CC2D1B: variants seen among roughly 807,000 people sequenced by gnomAD.
CC2D1B encodes the protein coiled-coil and C2 domain-containing protein 1B.
In CC2D1B, 92 loss-of-function variants were observed where a neutral mutation model predicts 110.8. That is an observed-to-expected ratio of 0.83 (90% CI 0.70 to 0.99). CC2D1B has a LOEUF of 0.99. Ranked by LOEUF, CC2D1B falls within the 50% of genes least tolerant of loss-of-function variation. CC2D1B has a pLI of 0.00. For synonymous variants in CC2D1B, 406 were observed against 429.2 expected (o/e 0.95, Z 0.67); for missense variants, 1,136 against 1,089.0 (o/e 1.04, Z -0.61).
chr1:52,351,511 GATT>G lies in CC2D1B; in HGVS notation c.*1711_*1713del, dbSNP rs1412890218. ...GCTAATCACCCTCCTTTTCATTCTA[GATT>G]ATTGCTGTGTTGCATACACGTGACT... is the stretch of plus-strand genomic sequence containing the variant. On this transcript the variant is annotated 3_prime_UTR_variant, in exon 25 of 25. Transcript: ENST00000284376. 1 of 152,106 alleles carries G rather than the reference GATT, an allele frequency of 6.6e-6. No homozygotes were observed. The highest frequency in any genetic ancestry group is 1.9e-4 in the East Asian group (1 of 5,196). 9.4% of individuals were successfully genotyped at this position (152,106 alleles called of 1,614,324 possible). A position where few individuals can be genotyped will look rare whatever the true frequency, so the allele number is the denominator to read the frequency against.
At chr1:52,360,927 G>A in intron 5 of CC2D1B, 47 bp downstream of exon 5, 1 of 1,607,950 alleles carries the variant, frequency 6.2e-7, no homozygotes. Flanking sequence ...GTTACGTCTG[G>A]GCGCACAGGA....
chr1:52,353,557 T>A lies in CC2D1B; in HGVS notation c.2521A>T (p.Thr841Ser). 1 of 1,614,106 alleles carries A rather than the reference T, an allele frequency of 6.2e-7. No homozygotes were observed. Among genetic ancestry groups the A allele is most frequent in the Non-Finnish European group, 8.5e-7 (1 of 1,179,996 alleles). The change falls in exon 24 of 25, where the codon ACT becomes TCT. Residue 841 changes from threonine (T) to serine (S), a missense_variant. Thr to Ser is a moderately conservative substitution (Grantham distance 58). Transcript: ENST00000284376. Reference sequence around the variant, plus strand: ...GGCTCCAGAACCAGCCAGTTCTCAGTGACCATCTGCACATCCTGGCCACTC... The same window carrying A: ...GGCTCCAGAACCAGCCAGTTCTCAGAGACCATCTGCACATCCTGGCCACTC... ...PLSGQDVQMV[T>S]ENWLVLEPRG...
chr1:52,364,519 C>T (rs769001446), intron 2 of CC2D1B, 33 bp downstream of exon 2: 3 of 1,514,424 alleles, frequency 2.0e-6, no homozygotes, highest in African/African-American at 1.4e-5. Context: ...ATCCCCAAAC[C>T]GACCCAGTAG....
At position 52,358,674 on chromosome 1, in the gene CC2D1B, T is replaced by A; in HGVS notation, c.1330+12A>T. 2 of 1,612,728 alleles carry A rather than the reference T, an allele frequency of 1.2e-6. No individual in the cohort carries two copies. Among genetic ancestry groups the A allele is most frequent in the South Asian group, 2.2e-5 (2 of 90,944 alleles). The stretch of plus-strand genomic sequence containing the variant: ...ACCTCCTCACAGAGCCCCTAGGCCA[T>A]GCCCCACTTACCTGGAGGAACAGGC... On this transcript the variant is annotated intron_variant, in intron 12 of 24. Transcript: ENST00000284376.
Position 52,355,313 on chromosome 1 carries a change from G to A in CC2D1B, c.2239+85C>T, listed in dbSNP as rs1389984881. 3.6e-6 allele frequency: 5 copies of A among 1,385,458 alleles called. No individual in the cohort carries two copies. In the Admixed American group the frequency reaches 5.5e-5, roughly 15 times the overall value. The allele number at this position is 1,385,458 out of a possible 1,614,324, so 85.8% of individuals were successfully genotyped here. A position where few individuals can be genotyped will look rare whatever the true frequency, so the allele number is the denominator to read the frequency against. On this transcript the variant is annotated intron_variant, in intron 21 of 24. Transcript: ENST00000284376. The stretch of plus-strand genomic sequence containing the variant: ...TCCCAAGTGGGGTGGATCAAGTAAG[G>A]GCATAGATGGGAACCCACTCTGGAA...
At position 52,359,098 on chromosome 1, in the gene CC2D1B, G is replaced by A. The variant is rs1421130315; in HGVS notation, c.1186C>T (p.Arg396Cys). The A allele has an allele frequency of 4.3e-6, 7 of 1,610,162 alleles. No individual in the cohort carries two copies. Among genetic ancestry groups the A allele is most frequent in the African/African-American group, 1.3e-5 (1 of 74,952 alleles). The change falls in exon 11 of 25, where the codon CGC becomes TGC. Residue 396 changes from arginine to cysteine, a missense_variant. By Grantham distance (180) the Arg-to-Cys change is radical. Transcript: ENST00000284376. ...CTCCGGGCCTGGATGCCCGCCTCGC[G>A]GTACTTGTTCAGCCTCTGCTGCAGG... ...DALQQRLNKY[R>C]EAGIQARSGG...
In CC2D1B at chr1:52,358,731, G is replaced by A. The variant is rs377540926; in HGVS notation, c.1285C>T (p.Arg429Ter). 19 of 1,612,366 alleles carry A rather than the reference G, an allele frequency of 1.2e-5. No homozygotes were observed. Among genetic ancestry groups the A allele is most frequent in the South Asian group, 7.7e-5 (7 of 90,870 alleles). ...KQYQDAIRAH[R>*]AGRKVNFAEL... ...GCAAAGTTGACTTTCCGTCCTGCTC[G>A]GTGTGCTCGAATAGCATCTTGATAT... The change falls in exon 12 of 25, where the codon CGA (arginine) becomes TGA (stop). Residue 429 changes from arginine (R) to a stop codon, truncating the protein, a stop_gained. Coordinates refer to ENST00000284376, the MANE Select transcript of CC2D1B (RefSeq NM_001330585.2). LOFTEE classifies it high-confidence loss of function.
chr1:52,356,855 A>G, intron 16 of CC2D1B, 146 bp downstream of exon 16: 3 of 908,938 alleles, frequency 3.3e-6, no homozygotes, highest in Non-Finnish European at 3.3e-6. Context: ...TAGTTCAGAG[A>G]AGAAAGTGCC....
At chr1:52,356,782 TCTC>T (rs1230325369) in intron 16 of CC2D1B, 10 of 603,718 alleles carry the variant, frequency 1.7e-5, no homozygotes, top group African/African-American at 7.4e-5. Flanking sequence ...CTTTCCCTCT[TCTC>T]TGTTGTTTGT....
rs779570771 is a variant in CC2D1B at position 52,355,752 on chromosome 1, G to A, written c.2128+19C>T. ...GTCCGGGCAAGAGCCTCCTGGAGTA[G>A]GGGCGGCCCTAGGGTTACCTGGAGG... On this transcript the variant is annotated intron_variant, in intron 19 of 24. Transcript: ENST00000284376. 1.9e-6 allele frequency: 3 copies of A among 1,613,744 alleles called. No individual in the cohort carries two copies. The South Asian group carries it at 3.3e-5, about 18-fold the overall frequency.
chr1:52,360,833 TCA>T, intron 5 of CC2D1B, 139 bp downstream of exon 5: 1 of 1,107,708 alleles, frequency 9.0e-7, no homozygotes, highest in South Asian at 1.5e-5. Flanking sequence ...TTTCTTGTGC[TCA>T]GTTTCTGCTT....
intron 5 of CC2D1B, 93 bp from the exon 6 acceptor site, chr1:52,360,642 T>C (rs1279762825): frequency 6.6e-7 from 1 of 1,510,234 alleles, no homozygotes; most frequent in Non-Finnish European, 8.9e-7. Context: ...GATGGAGCTC[T>C]GGGACTCCAG....
Position 52,357,811 on chromosome 1 carries a change from A to C in CC2D1B, c.1549T>G (p.Ser517Ala), listed in dbSNP as rs764626598. ...SSQRLPEPRASSSKESPSPSV... is the reference protein window; with the variant it reads ...SSQRLPEPRAASSKESPSPSV... ...GGACTCGGTGACTCCTTAGAACTTGAGGCCCTGGGCTCAGGCAGGCGCTGG... is the reference window on the plus strand; with the variant it reads ...GGACTCGGTGACTCCTTAGAACTTGCGGCCCTGGGCTCAGGCAGGCGCTGG... Residue 517 changes from serine to alanine, a missense_variant, in exon 14 of 25, where the codon TCA (serine) becomes GCA (alanine). Coordinates refer to ENST00000284376, the MANE Select transcript of CC2D1B (RefSeq NM_001330585.2). The C allele has an allele frequency of 1.3e-6, 2 of 1,591,618 alleles. No individual in the cohort carries two copies.
At chr1:52,355,980 CT>C in intron 18 of CC2D1B, 136 bp from the exon 19 acceptor site, 2 of 978,856 alleles carry the variant, frequency 2.0e-6, no homozygotes, top group South Asian at 2.8e-5. Context: ...ACCTTGATCT[CT>C]GACTTCTGGT....
intron 6 of CC2D1B, 44 bp downstream of exon 6, chr1:52,360,380 T>G: frequency 6.2e-7 from 1 of 1,605,020 alleles, no homozygotes. Context: ...CCGCCTTTCA[T>G]GCAGCCCCCT....
intron 4 of CC2D1B, 137 bp from the exon 5 acceptor site, chr1:52,361,269 C>T: frequency 8.0e-7 from 1 of 1,243,700 alleles, no homozygotes; most frequent in Non-Finnish European, 1.1e-6. Context: ...TTCACCAAAA[C>T]ATTTCTTTAA....
At chr1:52,362,770 G>C in intron 2 of CC2D1B, 24 bp from the exon 3 acceptor site, 10 of 1,613,008 alleles carry the variant, frequency 6.2e-6, no homozygotes, top group Non-Finnish European at 7.6e-6. Flanking sequence ...AGGACTCTTA[G>C]GAACCACACA....
At position 52,350,853 on chromosome 1, in the gene CC2D1B, C is replaced by G. The variant is rs755007996; in HGVS notation, c.*2372G>C. 6.6e-6 allele frequency: 1 copy of G among 152,206 alleles called. No individual in the cohort carries two copies. 9.4% of individuals were successfully genotyped at this position (152,206 alleles called of 1,614,324 possible). On this transcript the variant is annotated 3_prime_UTR_variant, in exon 25 of 25. Transcript: ENST00000284376. Reference sequence around the variant, plus strand: ...CTCTGCTTCCTGGGCTCAAGGGATTCGTGTGTCTCAGCCTCCCTAGTAGCT... The same window carrying G: ...CTCTGCTTCCTGGGCTCAAGGGATTGGTGTGTCTCAGCCTCCCTAGTAGCT...
At chr1:52,364,520 G>T (rs762329119) in intron 2 of CC2D1B, 32 bp downstream of exon 2, 6 of 1,518,840 alleles carry the variant, frequency 4.0e-6, no homozygotes, top group Non-Finnish European at 5.4e-6. Flanking sequence ...TCCCCAAACC[G>T]ACCCAGTAGC....
Sources: gnomAD v4.1 joint callset for allele counts on GRCh38, gnomAD v4.1.1 for gene constraint, MANE v1.5 for transcripts, NCBI Gene and HGNC (gene_info 2026-07-23, HGNC 2026-07-21) for gene names.